The following LETM2 variants were observed in gnomAD, a reference collection of about 807,000 sequenced individuals.
LETM2 encodes LETM1 domain-containing protein LETM2, mitochondrial.
Under a neutral mutation model 59.6 loss-of-function variants are expected in LETM2, and 58 were observed. The ratio of observed to expected loss-of-function variants is 0.97; its 90% confidence interval spans 0.79 to 1.21. The LOEUF (loss-of-function observed/expected upper bound fraction) is 1.21. LETM2 is among the 50% of genes most tolerant of loss of function. The pLI is 0.00. For missense variants in LETM2, 572 were observed against 575.7 expected, an observed-to-expected ratio of 0.99 and a Z score of 0.07; for synonymous variants, 199 against 214.1, an observed-to-expected ratio of 0.93 and a Z score of 0.62.
In LETM2 at chr8:38,407,404, A is replaced by G. The variant is rs147462562; in HGVS notation, c.1354A>G (p.Ile452Val). 2,134 of 1,613,626 alleles carry G rather than the reference A, an allele frequency of 1.3e-3. 9 individuals carry two copies. The highest frequency in any genetic ancestry group is 3.1e-3 in the South Asian group (279 of 91,064). Residue 452 changes from isoleucine (I) to valine (V), a missense_variant, in exon 10 of 11, where the codon ATA (isoleucine) becomes GTA (valine). By Grantham distance (29) the Ile-to-Val change is conservative (BLOSUM62 3). Coordinates refer to ENST00000379957, the MANE Select transcript of LETM2 (RefSeq NM_001286819.2). ...IQPPPVTSSP[I>V]TPSTPISLPK... is the part of the protein sequence containing the mutation. ...GCCGCCACCAGTTACATCATCACCCATAACACCATCAACACCTATTTCATT... is the reference window on the plus strand; with the variant it reads ...GCCGCCACCAGTTACATCATCACCCGTAACACCATCAACACCTATTTCATT...
At position 38,407,043 on chromosome 8, in the gene LETM2, G is replaced by A. The variant is rs758970135; in HGVS notation, c.1311+5G>A. ...CCTCAACTGAAGGGAACTAAGGTTAGACAGTTACTTTCCATTTGGTTAATT... is the reference window on the plus strand; with the variant it reads ...CCTCAACTGAAGGGAACTAAGGTTAAACAGTTACTTTCCATTTGGTTAATT... On this transcript the variant is annotated splice_donor_5th_base_variant and intron_variant, in intron 9 of 10. Coordinates refer to ENST00000379957, the MANE Select transcript of LETM2 (RefSeq NM_001286819.2). The A allele has an allele frequency of 6.4e-7, 1 of 1,565,116 alleles. No homozygotes were observed. The highest frequency in any genetic ancestry group is 8.8e-7 in the Non-Finnish European group (1 of 1,137,150).
intron 7 of LETM2, chr8:38,404,192 G>A (rs893857255): frequency 1.9e-6 from 1 of 526,896 alleles, no homozygotes. Context: ...CCACCATAGT[G>A]AGGGAGGCTG....
At chr8:38,395,730 G>T (rs1217072596) in intron 4 of LETM2, among the ~76,000 whole-genome samples, 1 of 151,304 alleles carries the variant, frequency 6.6e-6, no homozygotes, top group Non-Finnish European at 1.5e-5. Context: ...TGGCCAGGCT[G>T]GTCTCGATGT....
intron 4 of LETM2, among the ~76,000 whole-genome samples, chr8:38,396,233 G>A (rs892750378): frequency 9.3e-5 from 14 of 150,960 alleles, no homozygotes; most frequent in East Asian, 5.8e-4. Flanking sequence ...GTGCGATCTC[G>A]GCTCCCTGCA....
Position 38,402,586 on chromosome 8 carries a change from C to A in LETM2, c.1046C>A (p.Ala349Asp), listed in dbSNP as rs766408230. 6.2e-7 allele frequency: 1 copy of A among 1,613,992 alleles called. No homozygotes were observed. The highest frequency in any genetic ancestry group is 8.5e-7 in the Non-Finnish European group (1 of 1,179,872). ...SVSELQAACR[A>D]RGMRSLGLTE... Reference sequence around the variant, plus strand: ...TCAGAACTACAGGCTGCCTGTAGGGCCCGAGGGATGAGATCACTGGGTCTC... The same window carrying A: ...TCAGAACTACAGGCTGCCTGTAGGGACCGAGGGATGAGATCACTGGGTCTC... Residue 349 changes from alanine (A) to aspartate (D), a missense_variant, in exon 7 of 11, where the codon GCC (alanine) becomes GAC (aspartate). Ala to Asp is a moderately radical substitution (Grantham distance 126). Coordinates refer to ENST00000379957, the MANE Select transcript of LETM2 (RefSeq NM_001286819.2).
intron 10 of LETM2, 64 bp from the exon 11 acceptor site, chr8:38,408,148 A>G: frequency 1.6e-6 from 2 of 1,233,906 alleles, no homozygotes; most frequent in South Asian, 2.7e-5. Context: ...CAAAAATAGC[A>G]TTCACTCCTT....
chr8:38,407,313 C>T (rs369997964), intron 9 of LETM2, 49 bp from the exon 10 acceptor site: 2 of 1,315,612 alleles, frequency 1.5e-6, no homozygotes, highest in African/African-American at 2.9e-5. Flanking sequence ...TAGATTAATA[C>T]ACATTTTCTT....
intron 2 of LETM2, among the ~76,000 whole-genome samples, chr8:38,389,202 A>ATTCT (rs1554533311): frequency 4.0e-5 from 6 of 151,224 alleles, no homozygotes; most frequent in Non-Finnish European, 8.9e-5. Context: ...GTCTGTTACC[A>ATTCT]TTATTTATTT....
intron 7 of LETM2, 38 bp from the exon 8 acceptor site, chr8:38,404,352 GTGT>G: frequency 7.4e-7 from 1 of 1,351,980 alleles, no homozygotes; most frequent in South Asian, 1.2e-5. Flanking sequence ...TCTGGCTCTG[GTGT>G]TCTGATTCTC....
At chr8:38,405,943 A>C (rs1340513604) in intron 8 of LETM2, among the ~76,000 whole-genome samples, 1 of 152,182 alleles carries the variant, frequency 6.6e-6, no homozygotes, top group East Asian at 1.9e-4. Context: ...CATGTTTTTA[A>C]ACTTCTATTC....
intron 6 of LETM2, among the ~76,000 whole-genome samples, chr8:38,402,026 A>C (rs886625107): frequency 4.6e-5 from 7 of 152,152 alleles, no homozygotes; most frequent in Non-Finnish European, 7.3e-5. Context: ...CACTGGTCCC[A>C]GAAATACCAT....
chr8:38,384,990 A>T (rs181980189), upstream of LETM2, among the ~76,000 whole-genome samples: 246 of 152,374 alleles, frequency 1.6e-3, 2 homozygotes, highest in African/African-American at 5.6e-3. Flanking sequence ...TAGTGTGAAA[A>T]CTACATCTAC....
At chr8:38,392,031 G>A (rs966230725) in intron 2 of LETM2, among the ~76,000 whole-genome samples, 3 of 152,208 alleles carry the variant, frequency 2.0e-5, no homozygotes, top group Non-Finnish European at 2.9e-5. Context: ...TATTTCAGCT[G>A]TAAGTTCCTC....
chr8:38,392,069 T>C (rs1812326007), intron 2 of LETM2, among the ~76,000 whole-genome samples: 1 of 152,196 alleles, frequency 6.6e-6, no homozygotes, highest in East Asian at 1.9e-4. Flanking sequence ...AGACACTGCA[T>C]AGGCAAGGCG....
intron 1 of LETM2, among the ~76,000 whole-genome samples, chr8:38,387,386 G>T (rs1426166494): frequency 3.9e-5 from 6 of 152,174 alleles, no homozygotes; most frequent in African/African-American, 1.2e-4. Flanking sequence ...TTATTTACAG[G>T]TTCAAAGCTC....
chr8:38,388,119 C>A, intron 2 of LETM2, 89 bp downstream of exon 2: 1 of 907,194 alleles, frequency 1.1e-6, no homozygotes, highest in Non-Finnish European at 1.7e-6. Context: ...CGCACTCTGT[C>A]GCCCAGGCTG....
At position 38,404,427 on chromosome 8, in the gene LETM2, C is replaced by T; in HGVS notation, c.1139C>T (p.Pro380Leu). Residue 380 changes from proline (P) to leucine (L), a missense_variant, in exon 8 of 11, where the codon CCT becomes CTT. Transcript: ENST00000379957. ...CTCCACCTGAAGGAGAACGTCCCTC[C>T]TTCCCTTTTGCTCCTGTCCCGCACC... Reference protein sequence around the residue: ...QDLHLKENVPPSLLLLSRTFY... With the variant: ...QDLHLKENVPLSLLLLSRTFY... The T allele has an allele frequency of 6.2e-7, 1 of 1,614,066 alleles. No homozygotes were observed. Among genetic ancestry groups the T allele is most frequent in the Non-Finnish European group, 8.5e-7 (1 of 1,179,942 alleles).
intron 1 of LETM2, chr8:38,387,229 G>C (rs552723139): frequency 1.3e-5 from 2 of 152,386 alleles, no homozygotes; most frequent in South Asian, 4.1e-4. Flanking sequence ...CAGCTCTGTG[G>C]CTAAGGTTTC....
At chr8:38,399,787 A>AC (rs1433474461) in intron 4 of LETM2, among the ~76,000 whole-genome samples, 21 of 151,042 alleles carry the variant, frequency 1.4e-4, no homozygotes, top group African/African-American at 4.6e-4. Context: ...CAAAAAAAAA[A>AC]AAAAAAAAAT....
Sources: gnomAD v4.1 joint callset for allele counts (sites outside exome capture counted in the v4.1 genomes callset) on GRCh38, gnomAD v4.1.1 for gene constraint, MANE v1.5 for transcripts, NCBI Gene and HGNC (gene_info 2026-07-23, HGNC 2026-07-21) for gene names.